Variants in SNX4 observed in about 807,000 individuals in gnomAD.
The protein encoded by SNX4 is sorting nexin-4.
SNX4 carries 49 observed loss-of-function variants against 70.8 expected under a neutral mutation model. The ratio of observed to expected loss-of-function variants is 0.69; its 90% confidence interval spans 0.55 to 0.88. The LOEUF (loss-of-function observed/expected upper bound fraction) is 0.88. Ranked by LOEUF, SNX4 falls within the 40% of genes least tolerant of loss-of-function variation. SNX4 has a pLI of 0.00. For missense variants in SNX4, 528 were observed against 544.8 expected, an observed-to-expected ratio of 0.97 and a Z score of 0.31; for synonymous variants, 206 against 183.8, an observed-to-expected ratio of 1.12 and a Z score of -0.98.
chr3:125,486,200 T>A (rs1934525417), intron 6 of SNX4, among the ~76,000 whole-genome samples: 1 of 152,132 alleles, frequency 6.6e-6, no homozygotes, highest in African/African-American at 2.4e-5. Context: ...CTATATAGAT[T>A]TTTCTCTATC....
At chr3:125,515,365 A>G (rs1446891904) in intron 1 of SNX4, among the ~76,000 whole-genome samples, 1 of 151,300 alleles carries the variant, frequency 6.6e-6, no homozygotes, top group Non-Finnish European at 1.5e-5. Context: ...AAATATATAT[A>G]TATATATATT....
intron 6 of SNX4, among the ~76,000 whole-genome samples, chr3:125,486,794 T>A (rs1934543516): frequency 6.6e-6 from 1 of 152,288 alleles, no homozygotes; most frequent in Admixed American, 6.5e-5. Context: ...GGCATCCACA[T>A]GTAGTTCCAG....
chr3:125,466,567 G>T (rs1934024878), intron 9 of SNX4, among the ~76,000 whole-genome samples: 1 of 152,116 alleles, frequency 6.6e-6, no homozygotes, highest in Admixed American at 6.6e-5. Flanking sequence ...TCTGACAAAG[G>T]TTTAATATCC....
rs934188658 is a variant in SNX4, at chr3:125,520,078, C to A, written c.95G>T (p.Gly32Val). The A allele has an allele frequency of 1.2e-5, 18 of 1,547,062 alleles. No individual in the cohort carries two copies. The highest frequency in any genetic ancestry group is 1.4e-5 in the African/African-American group (1 of 69,642). ...TTCTCCGGCCCCCTCCGCTTCCTTG[C>A]CGACCGCAGCCCCCAGCCCAGCGTC... ...SPDAGLGAAV[G>V]KEAEGAGEES... The change falls in exon 1 of 14, where the codon GGC becomes GTC. Residue 32 changes from glycine (G) to valine (V), a missense_variant. By Grantham distance (109) the Gly-to-Val change is moderately radical (BLOSUM62 -3). Transcript: ENST00000251775.
At chr3:125,501,632 A>G in intron 2 of SNX4, among the ~76,000 whole-genome samples, 1 of 152,084 alleles carries the variant, frequency 6.6e-6, no homozygotes, top group Non-Finnish European at 1.5e-5. Flanking sequence ...AAAAAAAAAA[A>G]AAGGTCCATC....
At chr3:125,458,166 A>AG (rs1017733219) in intron 10 of SNX4, among the ~76,000 whole-genome samples, 1 of 139,394 alleles carries the variant, frequency 7.2e-6, no homozygotes, top group Non-Finnish European at 1.5e-5. Flanking sequence ...AATGTCTATT[A>AG]GGTATTTTTT....
Position 125,520,158 on chromosome 3 carries a change from A to C in SNX4, c.15T>G (p.Pro5=). 1 of 1,263,906 alleles carries C rather than the reference A, an allele frequency of 7.9e-7. No individual in the cohort carries two copies. Among genetic ancestry groups the C allele is most frequent in the Non-Finnish European group, 1.0e-6 (1 of 994,030 alleles). 78.3% of individuals were successfully genotyped at this position (1,263,906 alleles called of 1,614,324 possible). ...GCTGGAGCTGCCGCTCGGGGTCCGG[A>C]GGTGCCTGCTCCATGGCTGCAGTTC... MEQA[P]PDPERQLQPA... The change falls in exon 1 of 14, where the codon CCT becomes CCG. Residue 5 remains proline, a synonymous_variant. Transcript: ENST00000251775.
intron 2 of SNX4, among the ~76,000 whole-genome samples, chr3:125,501,402 C>T (rs9862733): frequency 0.51 from 76,876 of 151,900 alleles, 19,965 homozygotes; most frequent in African/African-American, 0.63. Context: ...GGCAGATCAC[C>T]TGAGGTCAGG....
chr3:125,483,657 C>T (rs1934463953), intron 6 of SNX4, among the ~76,000 whole-genome samples: 1 of 152,134 alleles, frequency 6.6e-6, no homozygotes, highest in African/African-American at 2.4e-5. Flanking sequence ...CAACACAAAT[C>T]ATCCCCAGGT....
intron 8 of SNX4, among the ~76,000 whole-genome samples, chr3:125,470,876 T>C (rs1359457160): frequency 6.6e-6 from 1 of 152,176 alleles, no homozygotes; most frequent in Admixed American, 6.5e-5. Flanking sequence ...TGAAAATCAC[T>C]GTCCTCATCT....
At chr3:125,499,576 C>T (rs985201782) in intron 2 of SNX4, among the ~76,000 whole-genome samples, 4 of 152,094 alleles carry the variant, frequency 2.6e-5, no homozygotes, top group Non-Finnish European at 4.4e-5. Flanking sequence ...TATACCTAGA[C>T]ATTAGTTATA....
chr3:125,492,811 C>T (rs936997538), intron 5 of SNX4, among the ~76,000 whole-genome samples: 12 of 152,170 alleles, frequency 7.9e-5, no homozygotes, highest in African/African-American at 2.9e-4. Flanking sequence ...GGAATCTCCA[C>T]ATTGGATCTC....
rs1935075055 is a variant in SNX4 at position 125,507,430 on chromosome 3, G to A, written c.142-2686C>T. Reference sequence around the variant, plus strand: ...GACACCATCAAACGGACCAACATGTGCACTGTGGTAGTAAGGAGAGGGGAG... The same window carrying A: ...GACACCATCAAACGGACCAACATGTACACTGTGGTAGTAAGGAGAGGGGAG... On this transcript the variant is annotated intron_variant, in intron 1 of 13. Coordinates refer to ENST00000251775, the MANE Select transcript of SNX4 (RefSeq NM_003794.4). Among the ~76,000 whole-genome samples, 4 of 152,180 alleles carry A rather than the reference G, an allele frequency of 2.6e-5. No homozygotes were observed. The South Asian group carries it at 8.3e-4, about 32-fold the overall frequency.
chr3:125,515,604 G>T (rs182273324), intron 1 of SNX4, among the ~76,000 whole-genome samples: 6 of 149,854 alleles, frequency 4.0e-5, no homozygotes, highest in Non-Finnish European at 5.9e-5. Flanking sequence ...GGTCAAGGCT[G>T]CAGTGAGCCA....
At chr3:125,507,237 G>A (rs1335247795) in intron 1 of SNX4, among the ~76,000 whole-genome samples, 1 of 149,306 alleles carries the variant, frequency 6.7e-6, no homozygotes, top group East Asian at 1.9e-4. Flanking sequence ...TTCTGGAGCT[G>A]AAAAGTACAA....
At chr3:125,519,901 TC>T (rs1935366413) in intron 1 of SNX4, 130 bp downstream of exon 1, 3 of 797,310 alleles carry the variant, frequency 3.8e-6, no homozygotes, top group South Asian at 5.5e-5. Flanking sequence ...TCCACCTCGC[TC>T]CCCCTCACTG....
intron 2 of SNX4, among the ~76,000 whole-genome samples, chr3:125,504,210 G>A (rs577963891): frequency 2.6e-4 from 39 of 151,998 alleles, no homozygotes; most frequent in South Asian, 6.2e-4. Context: ...GCACATGCCT[G>A]TAATCCCAGC....
intron 9 of SNX4, among the ~76,000 whole-genome samples, chr3:125,464,913 AT>A (rs1258871118): frequency 6.6e-6 from 1 of 150,732 alleles, no homozygotes; most frequent in East Asian, 2.0e-4. Flanking sequence ...CCTGGCTAAT[AT>A]TTATATTTTT....
chr3:125,499,667 C>T lies in SNX4; in HGVS notation c.264-1473G>A, dbSNP rs140673671. ...TCTCAAGTTTCAAATTATTCAAAAT[C>T]ACTACCAACAAAACCCAAAACTTGT... is the stretch of plus-strand genomic sequence containing the variant. On this transcript the variant is annotated intron_variant, in intron 2 of 13. Coordinates refer to ENST00000251775, the MANE Select transcript of SNX4 (RefSeq NM_003794.4). Among the ~76,000 whole-genome samples the T allele has an allele frequency of 8.8e-3, 1,329 of 151,566 alleles. 13 individuals carry two copies. Among genetic ancestry groups the T allele is most frequent in the Non-Finnish European group, 0.013 (886 of 67,914 alleles).
Sources: allele counts gnomAD v4.1 joint callset (sites outside exome capture counted in the v4.1 genomes callset), GRCh38; gene constraint gnomAD v4.1.1; transcripts MANE v1.5; gene names NCBI Gene and HGNC (gene_info 2026-07-23, HGNC 2026-07-21).